Variants in VWA5A observed in about 807,000 individuals in gnomAD.
The protein encoded by VWA5A is von Willebrand factor A domain-containing protein 5A.
VWA5A carries 77 observed loss-of-function variants against 84.6 expected under a neutral mutation model. The ratio of observed to expected loss-of-function variants is 0.91; its 90% CI spans 0.76 to 1.10. VWA5A has a LOEUF of 1.10. VWA5A is among the 50% of genes least tolerant of loss of function. The pLI, the probability that VWA5A is intolerant of heterozygous loss-of-function variation, is 0.00. For missense variants in VWA5A, 973 were observed against 963.0 expected, an observed-to-expected ratio of 1.01 and a Z score of -0.14; for synonymous variants, 334 against 350.1, an observed-to-expected ratio of 0.95 and a Z score of 0.51.
chr11:124,139,622 G>C (rs1221095378), intron 15 of VWA5A, among the ~76,000 whole-genome samples: 1 of 151,188 alleles, frequency 6.6e-6, no homozygotes, highest in Non-Finnish European at 1.5e-5. Context: ...AAACACTAAT[G>C]ACTTTTGTAT....
chr11:124,136,894 TTC>T, intron 14 of VWA5A, 119 bp from the exon 15 acceptor site: 1 of 1,379,442 alleles, frequency 7.2e-7, no homozygotes. Flanking sequence ...CACCCAAGTC[TTC>T]TCTCTCCCCT....
intron 6 of VWA5A, 42 bp from the exon 7 acceptor site, chr11:124,118,932 AG>A (rs1194475508): frequency 6.3e-7 from 1 of 1,589,714 alleles, no homozygotes; most frequent in Admixed American, 1.7e-5. Flanking sequence ...AGAAGCAAGA[AG>A]TTATGATTCT....
chr11:124,136,750 T>TCCCTCCC lies in VWA5A; in HGVS notation c.1625+76_1625+77insCCCTCCC, dbSNP rs1860599512. Reference sequence around the variant, plus strand: ...CTTCCTTCCTTCCTTCCTTCCTTCATTCCCTCCCTCCCTCCCTCCCTCCCT... The same window carrying TCCCTCCC: ...CTTCCTTCCTTCCTTCCTTCCTTCATCCCTCCCTCCCTCCCTCCCTCCCTCCCTCCCT... On this transcript the variant is annotated intron_variant, in intron 14 of 18. Transcript: ENST00000456829. 19 of 812,138 alleles carry TCCCTCCC rather than the reference T, an allele frequency of 2.3e-5. No individual in the cohort carries two copies. In the African/African-American group the frequency reaches 3.3e-4, roughly 14 times the overall value. The allele number at this position is 812,138 out of a possible 1,614,324, so 50.3% of individuals were successfully genotyped here.
intron 17 of VWA5A, 121 bp from the exon 18 acceptor site, chr11:124,145,116 A>G: frequency 7.8e-7 from 1 of 1,284,790 alleles, no homozygotes. Flanking sequence ...GGAGGTAAAG[A>G]GAGACCAGGT....
chr11:124,143,130 G>A lies in VWA5A; in HGVS notation c.2154+558G>A, dbSNP rs553060338. 5.3e-5 allele frequency among the ~76,000 whole-genome samples: 8 copies of A among 152,256 alleles called. No individual in the cohort carries two copies. In the South Asian group the frequency reaches 6.2e-4, roughly 12 times the overall value. On this transcript the variant is annotated intron_variant, in intron 17 of 18. Transcript: ENST00000456829. ...CCTCATTATTGCTCCTCTTCATACC[G>A]ATGAAAGTGGTCCAGACATTGGCAA...
At chr11:124,122,709 G>C (rs1270726444) in intron 7 of VWA5A, among the ~76,000 whole-genome samples, 1 of 152,156 alleles carries the variant, frequency 6.6e-6, no homozygotes, top group African/African-American at 2.4e-5. Context: ...CAGTGACAAT[G>C]TTTTAACTAT....
At chr11:124,142,400 G>T (rs1565291771) in intron 16 of VWA5A, 42 bp from the exon 17 acceptor site, 1 of 1,608,416 alleles carries the variant, frequency 6.2e-7, no homozygotes, top group African/African-American at 1.3e-5. Flanking sequence ...GGTGCCGATA[G>T]CTCCACAATT....
intron 15 of VWA5A, 146 bp from the exon 16 acceptor site, chr11:124,141,452 G>A: frequency 1.1e-6 from 1 of 940,794 alleles, no homozygotes; most frequent in African/African-American, 1.7e-5. Context: ...TTGCGCAGGA[G>A]GTGGGCATAT....
chr11:124,120,050 C>T (rs1864906552), intron 7 of VWA5A, among the ~76,000 whole-genome samples: 1 of 152,120 alleles, frequency 6.6e-6, no homozygotes, highest in Non-Finnish European at 1.5e-5. Flanking sequence ...ACCATTTTAA[C>T]TGTTTTTAAG....
chr11:124,124,310 A>G lies in VWA5A; in HGVS notation c.1238A>G (p.Lys413Arg), dbSNP rs751049693. The G allele has an allele frequency of 6.8e-6, 11 of 1,614,082 alleles. No homozygotes were observed. Among genetic ancestry groups the G allele is most frequent in the Non-Finnish European group, 8.5e-6 (10 of 1,179,966 alleles). The change falls in exon 11 of 19, where the codon AAA becomes AGA. Residue 413 changes from lysine to arginine, a missense_variant. By Grantham distance (26) the Lys-to-Arg change is conservative. Transcript: ENST00000456829. ...VIKEVRINRQ[K>R]HRCFSFGIGE... is the part of the protein sequence containing the mutation. Reference sequence around the variant, plus strand: ...AAAGAAGTTAGGATCAACAGACAGAAACACAGGTAGGAAGAAAATGTGATT... The same window carrying G: ...AAAGAAGTTAGGATCAACAGACAGAGACACAGGTAGGAAGAAAATGTGATT...
chr11:124,127,025 C>G (rs962119795), intron 11 of VWA5A, among the ~76,000 whole-genome samples: 3 of 152,082 alleles, frequency 2.0e-5, no homozygotes, highest in Non-Finnish European at 2.9e-5. Context: ...GTCAATTTTT[C>G]ATTATGTTCT....
intron 15 of VWA5A, among the ~76,000 whole-genome samples, chr11:124,137,623 T>A (rs549275444): frequency 7.0e-4 from 106 of 152,356 alleles, no homozygotes; most frequent in African/African-American, 2.4e-3. Flanking sequence ...TACAGTCCAA[T>A]GGGTTTTAGT....
At chr11:124,117,459 C>A in intron 2 of VWA5A, 38 bp from the exon 3 acceptor site, 1 of 1,591,748 alleles carries the variant, frequency 6.3e-7, no homozygotes, top group South Asian at 1.1e-5. Flanking sequence ...CAGATAACTT[C>A]CAACATGTCC....
At chr11:124,137,444 A>C (rs1404785082) in intron 15 of VWA5A, among the ~76,000 whole-genome samples, 176 bp downstream of exon 15, 1 of 152,248 alleles carries the variant, frequency 6.6e-6, no homozygotes, top group East Asian at 1.9e-4. Flanking sequence ...ACTAGAATGC[A>C]TCCCATTGGC....
At chr11:124,135,103 C>A in intron 12 of VWA5A, 69 bp downstream of exon 12, 1 of 1,387,104 alleles carries the variant, frequency 7.2e-7, no homozygotes, top group Non-Finnish European at 1.0e-6. Context: ...GGGTGGGGAA[C>A]ACTGTGTAAG....
intron 11 of VWA5A, among the ~76,000 whole-genome samples, chr11:124,133,840 T>C (rs1223636563): frequency 6.6e-6 from 1 of 152,208 alleles, no homozygotes; most frequent in East Asian, 1.9e-4. Context: ...TATTGTAATA[T>C]TTTAATTTTT....
chr11:124,141,687 A>T lies in VWA5A; in HGVS notation c.1969A>T (p.Met657Leu). 4 of 1,614,174 alleles carry T rather than the reference A, an allele frequency of 2.5e-6. No homozygotes were observed. Among genetic ancestry groups the T allele is most frequent in the Non-Finnish European group, 3.4e-6 (4 of 1,180,022 alleles). The change falls in exon 16 of 19, where the codon ATG (methionine) becomes TTG (leucine). Residue 657 changes from methionine (M) to leucine (L), a missense_variant. Met to Leu is a conservative substitution (Grantham distance 15, BLOSUM62 2). Coordinates refer to ENST00000456829, the MANE Select transcript of VWA5A (RefSeq NM_001130142.2). ...GTGTTATAAGGCCAAGACATTCCAGATGGACGATTACAGTCTCTGTGGGTT... is the reference window on the plus strand; with the variant it reads ...GTGTTATAAGGCCAAGACATTCCAGTTGGACGATTACAGTCTCTGTGGGTT... ...LMCYKAKTFQ[M>L]DDYSLCGLIS...
intron 8 of VWA5A, 99 bp downstream of exon 8, chr11:124,123,228 G>C: frequency 6.5e-7 from 1 of 1,528,398 alleles, no homozygotes; most frequent in Non-Finnish European, 8.8e-7. Context: ...AGAGCAGCAC[G>C]ACCACCCTGA....
intron 5 of VWA5A, 60 bp downstream of exon 5, chr11:124,118,471 A>C: frequency 6.2e-7 from 1 of 1,610,908 alleles, no homozygotes; most frequent in Non-Finnish European, 8.5e-7. Context: ...AAATTTTCTT[A>C]AGGTTGAGAG....
Sources: allele counts gnomAD v4.1 joint callset (sites outside exome capture counted in the v4.1 genomes callset), GRCh38; gene constraint gnomAD v4.1.1; transcripts MANE v1.5; gene names NCBI Gene and HGNC (gene_info 2026-07-23, HGNC 2026-07-21).